The following KNSTRN variants were observed in gnomAD, a reference collection of about 807,000 sequenced individuals.
KNSTRN encodes the protein small kinetochore-associated protein.
Under a neutral mutation model 44.7 loss-of-function variants are expected in KNSTRN, and 38 were observed. That is an observed-to-expected ratio of 0.85 (90% CI 0.66 to 1.11). The LOEUF is 1.11. Ranked by LOEUF, KNSTRN falls within the 50% of genes most tolerant of loss-of-function variation. KNSTRN has a pLI of 0.00. For synonymous variants in KNSTRN, 158 were observed against 148.1 expected, an observed-to-expected ratio of 1.07 and a Z score of -0.48; for missense variants, 406 against 375.8, an observed-to-expected ratio of 1.08 and a Z score of -0.66.
chr15:40,390,078 G>A, intron 6 of KNSTRN, 149 bp downstream of exon 6: 1 of 634,664 alleles, frequency 1.6e-6, no homozygotes, highest in Non-Finnish European at 2.8e-6. Context: ...GCTTCTGTTT[G>A]TTTTCATGTG....
intron 4 of KNSTRN, among the ~76,000 whole-genome samples, chr15:40,388,593 G>T (rs998335901): frequency 3.9e-5 from 6 of 152,070 alleles, no homozygotes; most frequent in Admixed American, 2.6e-4. Context: ...TACTCGGGAG[G>T]CTGGGGCAGG....
chr15:40,386,313 A>T (rs199948606), intron 2 of KNSTRN, 49 bp from the exon 3 acceptor site: 104 of 1,587,884 alleles, frequency 6.5e-5, no homozygotes, highest in Non-Finnish European at 8.9e-5. Context: ...CAGGGTTGCA[A>T]CTGTCGGGTC....
intron 4 of KNSTRN, 60 bp downstream of exon 4, chr15:40,387,266 G>A: frequency 7.7e-7 from 1 of 1,290,952 alleles, no homozygotes; most frequent in Non-Finnish European, 1.1e-6. Context: ...TCAATCCTTG[G>A]TTCTGCATCA....
At chr15:40,391,396 C>T in intron 6 of KNSTRN, 97 bp from the exon 7 acceptor site, 1 of 961,126 alleles carries the variant, frequency 1.0e-6, no homozygotes, top group Non-Finnish European at 1.6e-6. Flanking sequence ...AAATTCCCCT[C>T]ATGAATATTT....
intron 2 of KNSTRN, 78 bp from the exon 3 acceptor site, chr15:40,386,284 A>T (rs1889900134): frequency 1.0e-5 from 14 of 1,392,216 alleles, no homozygotes; most frequent in Non-Finnish European, 1.4e-5. Flanking sequence ...GACAACTTCG[A>T]ATGGGGCTCT....
intron 3 of KNSTRN, 89 bp downstream of exon 3, chr15:40,386,583 A>G: frequency 7.1e-7 from 1 of 1,399,228 alleles, no homozygotes; most frequent in Non-Finnish European, 9.8e-7. Flanking sequence ...TGGACAACAC[A>G]AGTCTCCTGA....
chr15:40,384,295 A>G (rs913035214), intron 2 of KNSTRN: 2 of 316,112 alleles, frequency 6.3e-6, no homozygotes, highest in Non-Finnish European at 1.3e-5. Flanking sequence ...AATGGCGTGA[A>G]CCCGGGAGGC....
At chr15:40,391,121 G>A (rs1002812036) in intron 6 of KNSTRN, among the ~76,000 whole-genome samples, 4 of 152,092 alleles carry the variant, frequency 2.6e-5, no homozygotes, top group African/African-American at 9.7e-5. Context: ...TTACATGCAT[G>A]TGATATTACC....
Position 40,383,013 on chromosome 15 carries a change from A to T in KNSTRN, c.178A>T (p.Lys60Ter). Residue 60 changes from lysine to a stop codon, truncating the protein, a stop_gained, in exon 1 of 9, where the codon AAG (lysine) becomes TAG (stop). Transcript: ENST00000249776. LOFTEE classifies it high-confidence loss of function. ...AGGGAATCTTTTAAACGAGAGCGAG[A>T]AGGACTGCGGGCAGGACCGGCGGGC... ...AAGNLLNESE[K>*]DCGQDRRAPG... 2 of 1,611,638 alleles carry T rather than the reference A, an allele frequency of 1.2e-6. No individual in the cohort carries two copies. The highest frequency in any genetic ancestry group is 2.2e-5 in the South Asian group (2 of 90,994).
rs148412087 is a variant in KNSTRN at position 40,390,574 on chromosome 15, C to G, written c.685+645C>G. Among the ~76,000 whole-genome samples, 870 of 151,928 alleles carry G rather than the reference C, an allele frequency of 5.7e-3. 10 individuals are homozygous for G. Among genetic ancestry groups the G allele is most frequent in the African/African-American group, 0.02 (817 of 41,438 alleles). ...GCCTTTTTGTATTAAGGAATACTGA[C>G]TTTGAATGTTACTGGTTAATCTTTA... On this transcript the variant is annotated intron_variant, in intron 6 of 8. Transcript: ENST00000249776.
rs200025938 is a variant in KNSTRN at position 40,393,509 on chromosome 15, G to A, written c.863G>A (p.Arg288Gln). 135 of 1,613,974 alleles carry A rather than the reference G, an allele frequency of 8.4e-5. No individual in the cohort carries two copies. The highest frequency in any genetic ancestry group is 3.3e-4 in the African/African-American group (25 of 75,038). ...CTGGAGATGAAAGAGGAAAGAGTCC[G>A]ATTCCTAGAACAGCAAACCTTATGT... is the stretch of plus-strand genomic sequence containing the variant. ...VKLEMKEERV[R>Q]FLEQQTLCNN... Residue 288 changes from arginine (R) to glutamine (Q), a missense_variant, in exon 9 of 9, where the codon CGA becomes CAA. By Grantham distance (43) the Arg-to-Gln change is conservative (BLOSUM62 1). Coordinates refer to ENST00000249776, the MANE Select transcript of KNSTRN (RefSeq NM_033286.4).
chr15:40,393,569 A>C lies in KNSTRN; in HGVS notation c.923A>C (p.Lys308Thr). The C allele has an allele frequency of 6.2e-7, 1 of 1,614,068 alleles. No individual in the cohort carries two copies. The highest frequency in any genetic ancestry group is 8.5e-7 in the Non-Finnish European group (1 of 1,179,984). The change falls in exon 9 of 9, where the codon AAG (lysine) becomes ACG (threonine). Residue 308 changes from lysine (K) to threonine (T), a missense_variant. By Grantham distance (78) the Lys-to-Thr change is moderately conservative. Coordinates refer to ENST00000249776, the MANE Select transcript of KNSTRN (RefSeq NM_033286.4). Reference sequence around the variant, plus strand: ...GTAAATGATTTAACAACAGCCCTTAAGGAAATGGAGCAGCTATTAGAAATG... The same window carrying C: ...GTAAATGATTTAACAACAGCCCTTACGGAAATGGAGCAGCTATTAGAAATG... ...NQVNDLTTAL[K>T]EMEQLLEM
chr15:40,382,998 T>C lies in KNSTRN; in HGVS notation c.163T>C (p.Leu55=), dbSNP rs767816655. ...GGTTVAAGNL[L]NESEKDCGQD... is the part of the protein sequence containing the mutation. ...CACGACAGTTGCTGCAGGGAATCTTTTAAACGAGAGCGAGAAGGACTGCGG... is the reference window on the plus strand; with the variant it reads ...CACGACAGTTGCTGCAGGGAATCTTCTAAACGAGAGCGAGAAGGACTGCGG... Residue 55 remains leucine (L), a synonymous_variant, in exon 1 of 9, where the codon TTA becomes CTA. Transcript: ENST00000249776. 5 of 1,612,052 alleles carry C rather than the reference T, an allele frequency of 3.1e-6. No individual in the cohort carries two copies. In the Admixed American group the frequency reaches 8.3e-5, roughly 27 times the overall value.
chr15:40,383,399 G>C (rs944553532), intron 2 of KNSTRN, 77 bp downstream of exon 2: 13 of 1,142,002 alleles, frequency 1.1e-5, no homozygotes, highest in Non-Finnish European at 1.7e-5. Flanking sequence ...CGAATGGGTG[G>C]CGCGGGCACG....
chr15:40,391,417 C>A, intron 6 of KNSTRN, 76 bp from the exon 7 acceptor site: 1 of 1,154,882 alleles, frequency 8.7e-7, no homozygotes, highest in Non-Finnish European at 1.3e-6. Flanking sequence ...CTGTACTTGT[C>A]CACGGAGGGT....
At chr15:40,391,851 C>G in intron 7 of KNSTRN, 98 bp from the exon 8 acceptor site, 1 of 912,696 alleles carries the variant, frequency 1.1e-6, no homozygotes, top group Non-Finnish European at 1.7e-6. Flanking sequence ...TCTCCTGACT[C>G]CTTTGTTGAG....
intron 7 of KNSTRN, 194 bp downstream of exon 7, chr15:40,391,748 TAA>T: frequency 1.5e-6 from 1 of 656,588 alleles, no homozygotes; most frequent in Non-Finnish European, 2.6e-6. Context: ...CTTACAAATA[TAA>T]GTGAGTCTGA....
rs1311237995 is a variant in KNSTRN at position 40,387,193 on chromosome 15, A to G, written c.472A>G (p.Asn158Asp). 2 of 1,613,248 alleles carry G rather than the reference A, an allele frequency of 1.2e-6. No individual in the cohort carries two copies. Among genetic ancestry groups the G allele is most frequent in the Non-Finnish European group, 1.7e-6 (2 of 1,179,312 alleles). ...AGCTACTGACACTGCCACCAGAAGG[A>G]ATGTCAGAAAAGGGTGAGCATCAGG... ...MKATDTATRR[N>D]VRKGYKPLSK... Residue 158 changes from asparagine (N) to aspartate (D), a missense_variant, in exon 4 of 9, where the codon AAT becomes GAT. Physicochemically the swap from Asn to Asp is conservative, Grantham distance 23. Transcript: ENST00000249776.
rs1323414995 is a variant in KNSTRN at position 40,389,158 on chromosome 15, T to G, written c.486-348T>G. Reference sequence around the variant, plus strand: ...TGTAGGCCGTATTTTTCTTTCTTTTTTTTTTAGACGGAGTTTTGCTCTTGT... The same window carrying G: ...TGTAGGCCGTATTTTTCTTTCTTTTGTTTTTAGACGGAGTTTTGCTCTTGT... On this transcript the variant is annotated intron_variant, in intron 4 of 8. Transcript: ENST00000249776. The G allele has an allele frequency of 2.8e-5, 13 of 458,050 alleles. No individual in the cohort carries two copies. In the Admixed American group the frequency reaches 3.1e-4, roughly 11 times the overall value. 28.4% of individuals were successfully genotyped at this position (458,050 alleles called of 1,614,324 possible).
Sources: gnomAD v4.1 joint callset for allele counts (sites outside exome capture counted in the v4.1 genomes callset) on GRCh38, gnomAD v4.1.1 for gene constraint, MANE v1.5 for transcripts, NCBI Gene and HGNC (gene_info 2026-07-23, HGNC 2026-07-21) for gene names.